Variants in SLC24A2 observed in about 807,000 individuals in gnomAD.
The protein encoded by SLC24A2 is sodium/potassium/calcium exchanger 2.
Under a neutral mutation model 62.0 loss-of-function variants are expected in SLC24A2, and 36 were observed. That is an observed-to-expected ratio of 0.58 (90% CI 0.44 to 0.77). The LOEUF (loss-of-function observed/expected upper bound fraction) is 0.77. Ranked by LOEUF, SLC24A2 falls within the 30% of genes least tolerant of loss-of-function variation. The pLI is 0.00. For missense variants in SLC24A2, 846 were observed against 817.9 expected, an observed-to-expected ratio of 1.03 and a Z score of -0.42; for synonymous variants, 358 against 294.0, an observed-to-expected ratio of 1.22 and a Z score of -2.23.
chr9:20,208,188 T>A, the SLC24A2 span, among the ~76,000 whole-genome samples: 3 of 152,134 alleles, frequency 2.0e-5, no homozygotes, highest in Non-Finnish European at 4.4e-5. Context: ...TAGGCACATG[T>A]GGGTGTTAAC....
chr9:19,844,545 G>T, the SLC24A2 span, among the ~76,000 whole-genome samples: 5 of 151,650 alleles, frequency 3.3e-5, no homozygotes, highest in Non-Finnish European at 5.9e-5. Flanking sequence ...AATTTTTTTT[G>T]TTGTTTTTGC....
the SLC24A2 span, among the ~76,000 whole-genome samples, chr9:19,826,834 G>A: frequency 2.0e-5 from 3 of 152,174 alleles, no homozygotes; most frequent in Admixed American, 6.5e-5. Flanking sequence ...AGCAAGGATG[G>A]AGAGAGATTC....
the SLC24A2 span, among the ~76,000 whole-genome samples, chr9:19,936,984 C>G: frequency 6.6e-6 from 1 of 152,108 alleles, no homozygotes; most frequent in African/African-American, 2.4e-5. Context: ...CGTATGTTCC[C>G]ACACATATGT....
intron 2 of SLC24A2, among the ~76,000 whole-genome samples, chr9:19,716,496 G>A (rs1419731546): frequency 6.6e-6 from 1 of 152,154 alleles, no homozygotes. Context: ...AATTTTGTTT[G>A]CAGTGACATT....
At position 19,510,081 on chromosome 9, in the gene SLC24A2, A is replaced by G. The variant is rs1334889317; in HGVS notation, c.*6072T>C. On this transcript the variant is annotated 3_prime_UTR_variant, in exon 11 of 11. Coordinates refer to ENST00000341998, the MANE Select transcript of SLC24A2 (RefSeq NM_020344.4). ...GGCCCAGAGTTTTGGAGTAATCTAAAGTGGTGTCTCCCCAATTTTGAGTTC... is the reference window on the plus strand; with the variant it reads ...GGCCCAGAGTTTTGGAGTAATCTAAGGTGGTGTCTCCCCAATTTTGAGTTC... 6.6e-6 allele frequency: 1 copy of G among 152,164 alleles called. No homozygotes were observed. Among genetic ancestry groups the G allele is most frequent in the Non-Finnish European group, 1.5e-5 (1 of 68,032 alleles). 9.4% of individuals were successfully genotyped at this position (152,164 alleles called of 1,614,324 possible).
At chr9:20,045,049 A>T in the SLC24A2 span, among the ~76,000 whole-genome samples, 2 of 152,198 alleles carry the variant, frequency 1.3e-5, no homozygotes. Flanking sequence ...GTTAGTGCTC[A>T]GTATATTTTT....
At chr9:20,131,299 C>T in the SLC24A2 span, among the ~76,000 whole-genome samples, 12 of 152,224 alleles carry the variant, frequency 7.9e-5, no homozygotes, top group South Asian at 2.3e-3. Context: ...ATTCCAGGCC[C>T]GTCTGTGTTT....
chr9:19,752,294 C>T (rs10811234), intron 2 of SLC24A2, among the ~76,000 whole-genome samples: 41,895 of 151,744 alleles, frequency 0.28, 5,995 homozygotes, highest in South Asian at 0.34. Context: ...TACTGCAGAT[C>T]TCATCAGCAG....
intron 2 of SLC24A2, among the ~76,000 whole-genome samples, chr9:19,747,274 C>T (rs10964266): frequency 6.6e-6 from 1 of 152,018 alleles, no homozygotes; most frequent in African/African-American, 2.4e-5. Flanking sequence ...ATCTATCATT[C>T]CCATGTACTT....
At chr9:20,267,017 G>C in the SLC24A2 span, among the ~76,000 whole-genome samples, 2 of 150,452 alleles carry the variant, frequency 1.3e-5, no homozygotes, top group Admixed American at 1.3e-4. Flanking sequence ...AGGTGTTTGA[G>C]GCCAGCCTAG....
chr9:19,768,078 G>C (rs1297435940), intron 2 of SLC24A2, among the ~76,000 whole-genome samples: 1 of 152,090 alleles, frequency 6.6e-6, no homozygotes, highest in East Asian at 1.9e-4. Context: ...ATTAATCCAT[G>C]GGTAAATTAA....
chr9:19,679,876 G>A (rs948104715), intron 2 of SLC24A2, among the ~76,000 whole-genome samples: 4 of 148,942 alleles, frequency 2.7e-5, no homozygotes, highest in African/African-American at 4.9e-5. Context: ...GTGTGTGTGT[G>A]TGTGTGTCTG....
the SLC24A2 span, among the ~76,000 whole-genome samples, chr9:20,303,740 C>A: frequency 5.3e-5 from 8 of 152,170 alleles, no homozygotes; most frequent in Non-Finnish European, 1.0e-4. Flanking sequence ...AACTTTGCCA[C>A]CAGAAGGGTT....
At chr9:19,833,557 G>C in the SLC24A2 span, among the ~76,000 whole-genome samples, 3 of 152,352 alleles carry the variant, frequency 2.0e-5, no homozygotes, top group East Asian at 5.8e-4. Context: ...GCAGGCTTGA[G>C]GAGGTAAACA....
the SLC24A2 span, among the ~76,000 whole-genome samples, chr9:19,999,285 C>T: frequency 8.1e-4 from 123 of 152,306 alleles, no homozygotes; most frequent in African/African-American, 2.9e-3. Context: ...ACTTGTGGTT[C>T]CTGTATTGAA....
At chr9:19,926,041 G>T in the SLC24A2 span, 1 of 152,152 alleles carries the variant, frequency 6.6e-6, no homozygotes, top group Non-Finnish European at 1.5e-5. Flanking sequence ...CCTGGTGATG[G>T]TTTTGGCTCG....
intron 5 of SLC24A2, among the ~76,000 whole-genome samples, chr9:19,591,035 G>A (rs906430776): frequency 3.3e-5 from 5 of 151,976 alleles, no homozygotes; most frequent in Non-Finnish European, 7.4e-5. Context: ...TCCTTTGCTG[G>A]GCCTCCCCTT....
At chr9:20,229,044 T>G in the SLC24A2 span, among the ~76,000 whole-genome samples, 1 of 152,054 alleles carries the variant, frequency 6.6e-6, no homozygotes, top group Admixed American at 6.6e-5. Flanking sequence ...GACATAACTG[T>G]GTTATTTCTC....
chr9:19,554,837 C>G (rs369239053), intron 7 of SLC24A2, among the ~76,000 whole-genome samples: 12 of 152,120 alleles, frequency 7.9e-5, no homozygotes, highest in Non-Finnish European at 1.6e-4. Context: ...GCCATTCGTG[C>G]CCTGGACTGC....
Sources: allele counts gnomAD v4.1 joint callset (sites outside exome capture counted in the v4.1 genomes callset), GRCh38; gene constraint gnomAD v4.1.1; transcripts MANE v1.5; gene names NCBI Gene and HGNC (gene_info 2026-07-23, HGNC 2026-07-21).